ANAPC1: variants seen among roughly 807,000 people sequenced by gnomAD.
ANAPC1 encodes the protein anaphase-promoting complex subunit 1.
ANAPC1 carries 36 observed loss-of-function variants against 208.0 expected under a neutral mutation model. That is an observed-to-expected ratio of 0.17 (90% CI 0.13 to 0.23). The LOEUF is 0.23. ANAPC1 is among the 10% of genes least tolerant of loss of function. ANAPC1 has a pLI of 1.00. For missense variants in ANAPC1, 942 were observed against 2,011.6 expected, an observed-to-expected ratio of 0.47 and a Z score of 10.17; for synonymous variants, 378 against 695.2, an observed-to-expected ratio of 0.54 and a Z score of 7.18.
intron 24 of ANAPC1, among the ~76,000 whole-genome samples, chr2:111,823,264 G>A (rs1459713751): frequency 5.3e-5 from 8 of 151,582 alleles, no homozygotes; most frequent in East Asian, 3.9e-4. Flanking sequence ...TGATCCACCC[G>A]CCTCGGCCTC....
rs560224077 is a variant in ANAPC1 at position 111,869,946 on chromosome 2, A to C, written c.612-1850T>G. 4.6e-5 allele frequency among the ~76,000 whole-genome samples: 7 copies of C among 152,224 alleles called. No homozygotes were observed. The East Asian group carries it at 1.3e-3, about 29-fold the overall frequency. ...TCTGCATACTCCTTGCTTAGCTCTC[A>C]CTTGGAAGTGAGAACATGCAGTATT... On this transcript the variant is annotated intron_variant, in intron 6 of 47. Coordinates refer to ENST00000341068, the MANE Select transcript of ANAPC1 (RefSeq NM_022662.4).
chr2:111,767,891 G>C lies in ANAPC1; in HGVS notation c.*1400C>G, dbSNP rs1162786985. 1 of 152,226 alleles carries C rather than the reference G, an allele frequency of 6.6e-6. No homozygotes were observed. The highest frequency in any genetic ancestry group is 2.4e-5 in the African/African-American group (1 of 41,470). The allele number at this position is 152,226 out of a possible 1,614,324, so 9.4% of individuals were successfully genotyped here. ...CAGGAAGAAGCGAGTCCTCGGGGCAGCCACGCAAATGCAAGGACAGAGAGT... is the reference window on the plus strand; with the variant it reads ...CAGGAAGAAGCGAGTCCTCGGGGCACCCACGCAAATGCAAGGACAGAGAGT... On this transcript the variant is annotated 3_prime_UTR_variant, in exon 48 of 48. Transcript: ENST00000341068.
intron 27 of ANAPC1, among the ~76,000 whole-genome samples, chr2:111,817,534 A>G (rs1310862259): frequency 1.3e-5 from 2 of 152,094 alleles, no homozygotes; most frequent in Non-Finnish European, 2.9e-5. Context: ...TCTGCTCACT[A>G]TGTCCCTCAG....
chr2:111,857,787 A>C (rs1373142763), intron 11 of ANAPC1, among the ~76,000 whole-genome samples: 3 of 152,224 alleles, frequency 2.0e-5, no homozygotes, highest in Non-Finnish European at 4.4e-5. Flanking sequence ...CAAGAGGTGG[A>C]AATAAACCAA....
Position 111,858,347 on chromosome 2 carries a change from T to C in ANAPC1, c.1317A>G (p.Gln439=), listed in dbSNP as rs761782351. The C allele has an allele frequency of 1.2e-5, 19 of 1,613,818 alleles. No individual in the cohort carries two copies. In the Admixed American group the frequency reaches 1.8e-4, roughly 16 times the overall value. ...ACTCTACTAAAAAGCACAGGAACTTTTGCCCACATAGGTCAGATGTAATAA... is the reference window on the plus strand; with the variant it reads ...ACTCTACTAAAAAGCACAGGAACTTCTGCCCACATAGGTCAGATGTAATAA... ...KVFITSDLCG[Q]KFLCFLVESQ... is the part of the protein sequence containing the mutation. The change falls in exon 11 of 48, where the codon CAA becomes CAG. Residue 439 remains glutamine (Q), a synonymous_variant. Transcript: ENST00000341068.
chr2:111,792,848 G>C (rs2104531004), intron 37 of ANAPC1, among the ~76,000 whole-genome samples: 1 of 152,242 alleles, frequency 6.6e-6, no homozygotes, highest in South Asian at 2.1e-4. Flanking sequence ...AGCTGCTCGG[G>C]AGGCTGAGGC....
Position 111,863,915 on chromosome 2 carries a change from A to G in ANAPC1, c.832-20T>C. Reference sequence around the variant, plus strand: ...CTCTTCCTTAAGTCAAAATAAAGAGAAAGAGGAAAAAAAAAAAAACAATAA... The same window carrying G: ...CTCTTCCTTAAGTCAAAATAAAGAGGAAGAGGAAAAAAAAAAAAACAATAA... On this transcript the variant is annotated intron_variant, in intron 8 of 47. Transcript: ENST00000341068. The G allele has an allele frequency of 6.6e-7, 1 of 1,526,712 alleles. No homozygotes were observed. The highest frequency in any genetic ancestry group is 8.8e-7 in the Non-Finnish European group (1 of 1,142,070). 94.6% of individuals were successfully genotyped at this position (1,526,712 alleles called of 1,614,324 possible). A position where few individuals can be genotyped will look rare whatever the true frequency, so the allele number is the denominator to read the frequency against.
chr2:111,784,541 C>G, intron 40 of ANAPC1, 141 bp from the exon 41 acceptor site: 1 of 1,114,622 alleles, frequency 9.0e-7, no homozygotes, highest in South Asian at 1.4e-5. Flanking sequence ...CTCTCTGGTA[C>G]TCAAATCTTA....
At chr2:111,870,418 G>C (rs1682683147) in intron 6 of ANAPC1, among the ~76,000 whole-genome samples, 1 of 152,314 alleles carries the variant, frequency 6.6e-6, no homozygotes, top group Non-Finnish European at 1.5e-5. Context: ...ATTCCTTAAA[G>C]AGTAAGGTGA....
intron 34 of ANAPC1, 165 bp from the exon 35 acceptor site, chr2:111,795,059 C>T: frequency 3.5e-6 from 2 of 565,748 alleles, no homozygotes; most frequent in Non-Finnish European, 3.1e-6. Context: ...TGAATGTAAT[C>T]AAATTTCAAA....
Position 111,782,344 on chromosome 2 carries a change from C to T in ANAPC1, c.5202+25G>A, listed in dbSNP as rs181816744. The T allele has an allele frequency of 1.2e-3, 1,880 of 1,612,652 alleles. 22 individuals are homozygous for T. In the African/African-American group the frequency reaches 0.021, roughly 18 times the overall value. On this transcript the variant is annotated intron_variant, in intron 43 of 47. Coordinates refer to ENST00000341068, the MANE Select transcript of ANAPC1 (RefSeq NM_022662.4). ...CCGGCAATTTAGAATTATTTCTTTC[C>T]GTTTTTACCAATCAATAATACTACC...
intron 19 of ANAPC1, among the ~76,000 whole-genome samples, chr2:111,834,371 C>T (rs901187845): frequency 2.6e-5 from 4 of 152,054 alleles, no homozygotes; most frequent in Non-Finnish European, 4.4e-5. Flanking sequence ...TCCATTTTTT[C>T]GTGACCTTCC....
At chr2:111,825,473 G>T (rs1679784574) in intron 22 of ANAPC1, among the ~76,000 whole-genome samples, 1 of 152,128 alleles carries the variant, frequency 6.6e-6, no homozygotes, top group African/African-American at 2.4e-5. Flanking sequence ...TGGCTGAAAA[G>T]AATTTCATTG....
At chr2:111,810,743 T>C (rs1678942347) in intron 28 of ANAPC1, among the ~76,000 whole-genome samples, 1 of 146,306 alleles carries the variant, frequency 6.8e-6, no homozygotes, top group South Asian at 2.3e-4. Context: ...ATTACGCAGG[T>C]GTGGTAGTGT....
At chr2:111,869,367 C>T (rs1682611749) in intron 6 of ANAPC1, among the ~76,000 whole-genome samples, 1 of 152,060 alleles carries the variant, frequency 6.6e-6, no homozygotes, top group Non-Finnish European at 1.5e-5. Flanking sequence ...CCTCAGCCTC[C>T]CGAGTAGCTG....
chr2:111,867,204 C>A (rs1258059990), intron 7 of ANAPC1, among the ~76,000 whole-genome samples: 1 of 151,784 alleles, frequency 6.6e-6, no homozygotes, highest in African/African-American at 2.4e-5. Context: ...GCAAGATAAT[C>A]GCTTGAACCC....
At chr2:111,817,426 G>T (rs549720620) in intron 27 of ANAPC1, among the ~76,000 whole-genome samples, 2 of 151,974 alleles carry the variant, frequency 1.3e-5, no homozygotes, top group Non-Finnish European at 2.9e-5. Flanking sequence ...CTACTAAAAT[G>T]AACATCTATA....
intron 43 of ANAPC1, among the ~76,000 whole-genome samples, chr2:111,781,812 G>C (rs1254577767): frequency 6.6e-5 from 10 of 152,288 alleles, no homozygotes; most frequent in Admixed American, 5.9e-4. Flanking sequence ...CCCGCCGTGG[G>C]AATGAGATTG....
intron 38 of ANAPC1, among the ~76,000 whole-genome samples, chr2:111,789,137 C>CAAA (rs1275184575): frequency 6.9e-6 from 1 of 143,894 alleles, no homozygotes; most frequent in Non-Finnish European, 1.5e-5. Flanking sequence ...GACTCCTTCT[C>CAAA]AAAAAAAAAA....
Sources: gnomAD v4.1 joint callset for allele counts (sites outside exome capture counted in the v4.1 genomes callset) on GRCh38, gnomAD v4.1.1 for gene constraint, MANE v1.5 for transcripts, NCBI Gene and HGNC (gene_info 2026-07-23, HGNC 2026-07-21) for gene names.